Variants in CCSER1 observed in about 807,000 individuals in gnomAD.
The protein encoded by CCSER1 is coiled-coil serine rich protein 1, also known as serine-rich coiled-coil domain-containing protein 1.
A neutral mutation model predicts 82.0 loss-of-function variants in CCSER1; 41 were observed. The observed-to-expected ratio is 0.50, with a 90% confidence interval of 0.39 to 0.65. CCSER1 has a LOEUF of 0.65. Ranked by LOEUF, CCSER1 falls within the 30% of genes least tolerant of loss-of-function variation. CCSER1 has a pLI of 0.00. For synonymous variants in CCSER1, 414 were observed against 383.9 expected, an observed-to-expected ratio of 1.08 and a Z score of -0.92; for missense variants, 1,119 against 1,064.2, an observed-to-expected ratio of 1.05 and a Z score of -0.72.
chr4:91,064,462 A>G (rs895103978), intron 9 of CCSER1, among the ~76,000 whole-genome samples: 4 of 152,232 alleles, frequency 2.6e-5, no homozygotes, highest in Admixed American at 6.5e-5. Flanking sequence ...AGGAGGGGCC[A>G]CACAGAATGT....
chr4:91,028,266 T>G (rs1414938040), intron 9 of CCSER1, among the ~76,000 whole-genome samples: 3 of 151,978 alleles, frequency 2.0e-5, no homozygotes, highest in Non-Finnish European at 4.4e-5. Flanking sequence ...CAGAATGGAG[T>G]GCTCTTCTCA....
chr4:91,077,200 C>T (rs1399070836), intron 9 of CCSER1, among the ~76,000 whole-genome samples: 2 of 152,100 alleles, frequency 1.3e-5, no homozygotes, highest in Non-Finnish European at 2.9e-5. Flanking sequence ...GTAGAGAGCA[C>T]AGAGGGACCA....
rs1375445197 is a variant in CCSER1 at position 91,180,082 on chromosome 4, C to A, written c.2217+94088C>A. ...GAGTTTGCTGGAGGTCCACTCTAGA[C>A]CCTCTTTGCCTGGGTATCACCAGTG... is the stretch of plus-strand genomic sequence containing the variant. On this transcript the variant is annotated intron_variant, in intron 10 of 10. Coordinates refer to ENST00000509176, the MANE Select transcript of CCSER1 (RefSeq NM_001145065.2). Among the ~76,000 whole-genome samples the A allele has an allele frequency of 3.9e-5, 6 of 152,326 alleles. No individual in the cohort carries two copies. The East Asian group carries it at 9.7e-4, about 25-fold the overall frequency.
intron 9 of CCSER1, among the ~76,000 whole-genome samples, chr4:90,951,581 G>T (rs1402206395): frequency 6.6e-6 from 1 of 151,976 alleles, no homozygotes; most frequent in African/African-American, 2.4e-5. Context: ...ACAAGGTTTT[G>T]TCAGAAGTCC....
chr4:91,023,298 A>T (rs1022293382), intron 9 of CCSER1, among the ~76,000 whole-genome samples: 1 of 152,196 alleles, frequency 6.6e-6, no homozygotes, highest in African/African-American at 2.4e-5. Context: ...CAGAATTGGA[A>T]AAAACTACTC....
chr4:91,114,103 C>T (rs1198643333), intron 10 of CCSER1, among the ~76,000 whole-genome samples: 1 of 152,252 alleles, frequency 6.6e-6, no homozygotes, highest in Non-Finnish European at 1.5e-5. Context: ...CCGCCCGTCT[C>T]GGCCTCCCGA....
rs192618845 is a variant in CCSER1, at chr4:90,557,361, T to C, written c.1725-70664T>C. Among the ~76,000 whole-genome samples, 1,041 of 152,150 alleles carry C rather than the reference T, an allele frequency of 6.8e-3. 5 individuals carry two copies. Among genetic ancestry groups the C allele is most frequent in the Admixed American group, 0.013 (206 of 15,280 alleles). Reference sequence around the variant, plus strand: ...TTGGAGAATGGAGAGTTAGGAAATTTGAAGATTCCAAATAAGTCATATTAA... The same window carrying C: ...TTGGAGAATGGAGAGTTAGGAAATTCGAAGATTCCAAATAAGTCATATTAA... On this transcript the variant is annotated intron_variant, in intron 5 of 10. Coordinates refer to ENST00000509176, the MANE Select transcript of CCSER1 (RefSeq NM_001145065.2).
At chr4:90,583,308 G>A (rs1367478316) in intron 5 of CCSER1, among the ~76,000 whole-genome samples, 1 of 151,960 alleles carries the variant, frequency 6.6e-6, no homozygotes, top group Non-Finnish European at 1.5e-5. Flanking sequence ...CTGGGATTAG[G>A]GTGCCCGCCA....
chr4:90,494,672 C>T (rs993773761), intron 5 of CCSER1, among the ~76,000 whole-genome samples: 1 of 152,146 alleles, frequency 6.6e-6, no homozygotes, highest in Non-Finnish European at 1.5e-5. Flanking sequence ...CAAATGTCTG[C>T]AACGTATCTG....
chr4:91,457,892 A>T (rs1213130258), intron 10 of CCSER1, among the ~76,000 whole-genome samples: 4 of 152,204 alleles, frequency 2.6e-5, no homozygotes, highest in Non-Finnish European at 4.4e-5. Flanking sequence ...CTGAAATTTG[A>T]TATGAAATTA....
At chr4:90,380,758 T>C (rs531198541) in intron 3 of CCSER1, among the ~76,000 whole-genome samples, 1 of 152,346 alleles carries the variant, frequency 6.6e-6, no homozygotes, top group South Asian at 2.1e-4. Context: ...TTATTTCAAT[T>C]TCTAGGTGAG....
intron 5 of CCSER1, among the ~76,000 whole-genome samples, chr4:90,621,007 G>C (rs1326506679): frequency 6.6e-6 from 1 of 151,918 alleles, no homozygotes; most frequent in Non-Finnish European, 1.5e-5. Context: ...TTAGTAGGGA[G>C]GGGGTTTCAC....
rs11936144 is a variant in CCSER1 at position 90,535,601 on chromosome 4, C to T, written c.1724+67247C>T. Among the ~76,000 whole-genome samples the T allele has an allele frequency of 4.5e-3, 680 of 152,264 alleles. 7 individuals carry two copies. Among genetic ancestry groups the T allele is most frequent in the African/African-American group, 0.016 (657 of 41,556 alleles). Reference sequence around the variant, plus strand: ...GGGACTATGGGCAGCTTTGTCACATCTATACCTACACTGGCTCATAGCTAG... The same window carrying T: ...GGGACTATGGGCAGCTTTGTCACATTTATACCTACACTGGCTCATAGCTAG... On this transcript the variant is annotated intron_variant, in intron 5 of 10. Transcript: ENST00000509176.
At chr4:91,480,841 G>A (rs1001672506) in intron 10 of CCSER1, among the ~76,000 whole-genome samples, 3 of 152,126 alleles carry the variant, frequency 2.0e-5, no homozygotes, top group Non-Finnish European at 2.9e-5. Context: ...TGTAACAAGT[G>A]TCTTCTCAAT....
At chr4:90,847,651 C>T (rs1030352967) in intron 8 of CCSER1, among the ~76,000 whole-genome samples, 24 of 151,924 alleles carry the variant, frequency 1.6e-4, no homozygotes, top group East Asian at 1.3e-3. Flanking sequence ...TTTTAAACGT[C>T]GACTTAGGTA....
chr4:90,776,477 C>T (rs547893680), intron 7 of CCSER1, among the ~76,000 whole-genome samples: 1 of 152,312 alleles, frequency 6.6e-6, no homozygotes, highest in Non-Finnish European at 1.5e-5. Context: ...GAAAGTCTTG[C>T]TCCAATTAGT....
At chr4:90,599,467 AT>A (rs993779862) in intron 5 of CCSER1, among the ~76,000 whole-genome samples, 1 of 152,162 alleles carries the variant, frequency 6.6e-6, no homozygotes, top group African/African-American at 2.4e-5. Flanking sequence ...CTGTGACTCA[AT>A]AAAAACTCTT....
At chr4:90,210,009 G>T (rs1452122872) in intron 1 of CCSER1, among the ~76,000 whole-genome samples, 1 of 151,882 alleles carries the variant, frequency 6.6e-6, no homozygotes, top group Non-Finnish European at 1.5e-5. Context: ...GTATCTTGCT[G>T]TTTTTCTATG....
At chr4:91,179,944 T>C (rs1733836289) in intron 10 of CCSER1, among the ~76,000 whole-genome samples, 1 of 152,248 alleles carries the variant, frequency 6.6e-6, no homozygotes, top group Non-Finnish European at 1.5e-5. Flanking sequence ...TTTGGTTTTA[T>C]CTACCTTTGG....
Sources: gnomAD v4.1 joint callset for allele counts (sites outside exome capture counted in the v4.1 genomes callset) on GRCh38, gnomAD v4.1.1 for gene constraint, MANE v1.5 for transcripts, NCBI Gene and HGNC (gene_info 2026-07-23, HGNC 2026-07-21) for gene names.